Variants in MTF2 observed in about 807,000 individuals in gnomAD.
MTF2 encodes the protein metal response element binding transcription factor 2.
MTF2 carries 11 observed loss-of-function variants against 79.5 expected under a neutral mutation model. The observed-to-expected ratio is 0.14, with a 90% CI of 0.09 to 0.23. The LOEUF (loss-of-function observed/expected upper bound fraction) is 0.23, where lower values mean the gene tolerates loss of function less well. Among genes scored for constraint, MTF2 ranks in the 10% least tolerant of loss-of-function variants. MTF2 has a pLI of 1.00. For synonymous variants in MTF2, 208 were observed against 232.8 expected, an observed-to-expected ratio of 0.89 and a Z score of 0.97; for missense variants, 486 against 711.2, an observed-to-expected ratio of 0.68 and a Z score of 3.60.
At chr1:93,101,580 T>TTTTTG (rs1557546797) in intron 1 of MTF2, among the ~76,000 whole-genome samples, 16 of 90,070 alleles carry the variant, frequency 1.8e-4, no homozygotes, top group African/African-American at 1.0e-3. Context: ...TTTTTTTTTT[T>TTTTTG]TTTTTTTTTT....
At chr1:93,101,567 G>GTTTTTTTT (rs1655535361) in intron 1 of MTF2, among the ~76,000 whole-genome samples, 2 of 10,456 alleles carry the variant, frequency 1.9e-4, no homozygotes, top group African/African-American at 2.4e-4. Context: ...TGCTCAGGCT[G>GTTTTTTTT]GTTTTTTTTT....
At chr1:93,135,673 C>T (rs1213198565) in intron 14 of MTF2, among the ~76,000 whole-genome samples, 3 of 152,038 alleles carry the variant, frequency 2.0e-5, no homozygotes, top group East Asian at 3.9e-4. Flanking sequence ...ATTATCTGGG[C>T]GTGGTATTGG....
intron 1 of MTF2, 141 bp from the exon 2 acceptor site, chr1:93,110,085 GTATT>G (rs1286925159): frequency 8.1e-6 from 6 of 741,496 alleles, no homozygotes; most frequent in Middle Eastern, 3.8e-4. Context: ...TGTTTGGAGA[GTATT>G]TATGATTTGA....
intron 1 of MTF2, among the ~76,000 whole-genome samples, chr1:93,091,459 G>A (rs1184243344): frequency 1.3e-5 from 2 of 152,166 alleles, no homozygotes; most frequent in Non-Finnish European, 2.9e-5. Context: ...GCCTCCCAAA[G>A]TGCTGGGATT....
intron 1 of MTF2, among the ~76,000 whole-genome samples, chr1:93,097,605 TC>T (rs1288966416): frequency 2.6e-5 from 4 of 152,058 alleles, no homozygotes; most frequent in Non-Finnish European, 5.9e-5. Context: ...GTTTTTCCTT[TC>T]TTTTTTTTTG....
At chr1:93,095,459 G>C (rs949904326) in intron 1 of MTF2, among the ~76,000 whole-genome samples, 1 of 152,068 alleles carries the variant, frequency 6.6e-6, no homozygotes, top group African/African-American at 2.4e-5. Flanking sequence ...TCCTGCCTCA[G>C]CCTCCCAGGT....
chr1:93,080,819 T>G (rs2101007162), intron 1 of MTF2: 1 of 152,058 alleles, frequency 6.6e-6, no homozygotes, highest in African/African-American at 2.4e-5. Flanking sequence ...TAGAAGTAGT[T>G]AATGTGGATA....
intron 10 of MTF2, among the ~76,000 whole-genome samples, chr1:93,128,339 C>T (rs1201593581): frequency 6.6e-6 from 1 of 151,982 alleles, no homozygotes; most frequent in Admixed American, 6.6e-5. Flanking sequence ...AGGCAGATCA[C>T]CTGGGGTCAG....
intron 1 of MTF2, among the ~76,000 whole-genome samples, chr1:93,087,056 A>G (rs1226888627): frequency 6.6e-6 from 1 of 152,196 alleles, no homozygotes; most frequent in African/African-American, 2.4e-5. Flanking sequence ...GTGTTGTGCC[A>G]CCTGCGTTTT....
chr1:93,093,100 T>G (rs548400154), intron 1 of MTF2, among the ~76,000 whole-genome samples: 10 of 151,992 alleles, frequency 6.6e-5, no homozygotes, highest in African/African-American at 2.4e-4. Flanking sequence ...GAGAATCGCT[T>G]GAACCCGGGA....
At chr1:93,079,954 C>G (rs1185547290) in intron 1 of MTF2, among the ~76,000 whole-genome samples, 1 of 151,648 alleles carries the variant, frequency 6.6e-6, no homozygotes, top group Non-Finnish European at 1.5e-5. Context: ...TGGAGGGCTG[C>G]CTGGGACCTT....
At chr1:93,100,793 CCTT>C (rs1557546363) in intron 1 of MTF2, among the ~76,000 whole-genome samples, 1 of 152,172 alleles carries the variant, frequency 6.6e-6, no homozygotes, top group Non-Finnish European at 1.5e-5. Flanking sequence ...AAAGAGAATT[CCTT>C]CTTCATAGCT....
At chr1:93,109,121 T>C (rs950242633) in intron 1 of MTF2, among the ~76,000 whole-genome samples, 1 of 152,176 alleles carries the variant, frequency 6.6e-6, no homozygotes, top group Non-Finnish European at 1.5e-5. Context: ...TTTAGAATTA[T>C]TATCTAGTTT....
intron 9 of MTF2, among the ~76,000 whole-genome samples, chr1:93,123,500 C>G (rs1032192887): frequency 6.6e-6 from 1 of 151,808 alleles, no homozygotes. Flanking sequence ...CTCTTGCCAC[C>G]AGATCAGAGA....
intron 1 of MTF2, among the ~76,000 whole-genome samples, chr1:93,098,375 G>T (rs761362613): frequency 6.6e-6 from 1 of 151,892 alleles, no homozygotes; most frequent in African/African-American, 2.4e-5. Context: ...AGTTTTTTTG[G>T]TGTGCACACG....
chr1:93,138,771 T>G lies in MTF2; in HGVS notation c.*1744T>G, dbSNP rs1472748347. 6.6e-6 allele frequency: 1 copy of G among 152,250 alleles called. No homozygotes were observed. Among genetic ancestry groups the G allele is most frequent in the Non-Finnish European group, 1.5e-5 (1 of 68,040 alleles). 9.4% of individuals were successfully genotyped at this position (152,250 alleles called of 1,614,324 possible). A position where few individuals can be genotyped will look rare whatever the true frequency, so the allele number is the denominator to read the frequency against. On this transcript the variant is annotated 3_prime_UTR_variant, in exon 15 of 15. Coordinates refer to ENST00000370298, the MANE Select transcript of MTF2 (RefSeq NM_007358.4). ...GTGTTGATTTTTGAATGTTTGTTTATATCTAGGGGTAATGAAAAATGTAAA... is the reference window on the plus strand; with the variant it reads ...GTGTTGATTTTTGAATGTTTGTTTAGATCTAGGGGTAATGAAAAATGTAAA...
chr1:93,082,315 C>T (rs1654640807), intron 1 of MTF2, among the ~76,000 whole-genome samples: 2 of 147,316 alleles, frequency 1.4e-5, no homozygotes, highest in Admixed American at 6.9e-5. Context: ...AGGTCTTGCT[C>T]TGTCACCCAG....
chr1:93,125,500 A>G (rs1016202263), intron 9 of MTF2, among the ~76,000 whole-genome samples: 1 of 152,042 alleles, frequency 6.6e-6, no homozygotes, highest in Non-Finnish European at 1.5e-5. Context: ...ATGGAGGGCC[A>G]TAGGGGTTCT....
At chr1:93,109,625 G>T (rs112444280) in intron 1 of MTF2, among the ~76,000 whole-genome samples, 13,402 of 152,062 alleles carry the variant, frequency 0.088, 674 homozygotes, top group African/African-American at 0.13. Context: ...ATGAGCCACC[G>T]CACCTGGCCT....
Sources: gnomAD v4.1 joint callset for allele counts (sites outside exome capture counted in the v4.1 genomes callset) on GRCh38, gnomAD v4.1.1 for gene constraint, MANE v1.5 for transcripts, NCBI Gene and HGNC (gene_info 2026-07-23, HGNC 2026-07-21) for gene names.